Variants in SETBP1 observed in about 807,000 individuals in gnomAD.
SETBP1 encodes the protein SET-binding protein.
In SETBP1, 9 loss-of-function variants were observed where a neutral mutation model predicts 101.0. The observed-to-expected ratio is 0.09, with a 90% CI of 0.05 to 0.16. The LOEUF (loss-of-function observed/expected upper bound fraction) is 0.16, where lower values mean the gene tolerates loss of function less well. Ranked by LOEUF, SETBP1 falls within the 10% of genes least tolerant of loss-of-function variation. The pLI is 1.00. For missense variants in SETBP1, 1,858 were observed against 2,033.8 expected (o/e 0.91, Z 1.66); for synonymous variants, 818 against 788.5 (o/e 1.04, Z -0.63).
intron 2 of SETBP1, among the ~76,000 whole-genome samples, chr18:44,726,321 A>G (rs572675427): frequency 5.9e-5 from 9 of 152,190 alleles, no homozygotes; most frequent in African/African-American, 2.2e-4. Flanking sequence ...AAAGCTGGCA[A>G]TCATTGAAAG....
intron 2 of SETBP1, among the ~76,000 whole-genome samples, chr18:44,713,321 C>T (rs1362336411): frequency 2.0e-5 from 3 of 152,102 alleles, no homozygotes; most frequent in Non-Finnish European, 2.9e-5. Flanking sequence ...TATTTGACTG[C>T]TGCTCAAAGG....
intron 2 of SETBP1, among the ~76,000 whole-genome samples, chr18:44,828,733 CAGAGTGA>C (rs2072291862): frequency 1.3e-5 from 2 of 152,160 alleles, no homozygotes; most frequent in Non-Finnish European, 2.9e-5. Context: ...TGACTGTATT[CAGAGTGA>C]AAAAGTAATT....
intron 3 of SETBP1, among the ~76,000 whole-genome samples, chr18:44,945,106 C>T (rs4890492): frequency 6.6e-6 from 1 of 152,050 alleles, no homozygotes; most frequent in South Asian, 2.1e-4. Flanking sequence ...CCCATTAACT[C>T]GTCATTTACA....
intron 4 of SETBP1, among the ~76,000 whole-genome samples, chr18:44,963,137 A>T (rs2071646892): frequency 6.6e-6 from 1 of 152,166 alleles, no homozygotes; most frequent in Admixed American, 6.5e-5. Flanking sequence ...TTTTCCTAGC[A>T]TCCTCCCAAC....
intron 4 of SETBP1, among the ~76,000 whole-genome samples, chr18:44,970,840 C>T (rs1256898535): frequency 1.3e-5 from 2 of 151,914 alleles, no homozygotes; most frequent in African/African-American, 2.4e-5. Flanking sequence ...CCTGAGCGAC[C>T]GCACCCGGCT....
At chr18:44,939,939 G>C (rs562050538) in intron 3 of SETBP1, among the ~76,000 whole-genome samples, 1 of 152,138 alleles carries the variant, frequency 6.6e-6, no homozygotes. Flanking sequence ...ACCTCTGGTG[G>C]GTTTTTTCTG....
chr18:44,784,731 A>G (rs1385863414), intron 2 of SETBP1, among the ~76,000 whole-genome samples: 1 of 152,244 alleles, frequency 6.6e-6, no homozygotes, highest in East Asian at 1.9e-4. Context: ...AGGTTAGTGC[A>G]TGTTGACCGA....
intron 2 of SETBP1, among the ~76,000 whole-genome samples, chr18:44,752,929 C>A (rs1199803627): frequency 2.6e-5 from 4 of 152,208 alleles, no homozygotes; most frequent in Non-Finnish European, 5.9e-5. Flanking sequence ...TTCAAATTCT[C>A]AAGATGGTCT....
chr18:44,853,388 G>C (rs1211420786), intron 2 of SETBP1, among the ~76,000 whole-genome samples: 3 of 152,102 alleles, frequency 2.0e-5, no homozygotes, highest in Admixed American at 6.6e-5. Flanking sequence ...GTTGAGCCTC[G>C]CCATACCCCT....
chr18:45,023,601 T>C (rs1011810536), intron 4 of SETBP1, among the ~76,000 whole-genome samples: 6 of 152,210 alleles, frequency 3.9e-5, no homozygotes, highest in Non-Finnish European at 8.8e-5. Context: ...ACTTGGCTTA[T>C]TGGGGTTCCA....
At chr18:44,749,198 G>C (rs1281379341) in intron 2 of SETBP1, among the ~76,000 whole-genome samples, 1 of 152,204 alleles carries the variant, frequency 6.6e-6, no homozygotes, top group Admixed American at 6.5e-5. Context: ...GCACTTATAA[G>C]ATATCATCCT....
At chr18:44,978,424 C>T (rs1468241685) in intron 4 of SETBP1, among the ~76,000 whole-genome samples, 1 of 152,096 alleles carries the variant, frequency 6.6e-6, no homozygotes, top group East Asian at 1.9e-4. Context: ...AATCACAAAG[C>T]CCAAATAAAC....
At chr18:44,912,515 A>C (rs2070335030) in intron 3 of SETBP1, among the ~76,000 whole-genome samples, 1 of 151,806 alleles carries the variant, frequency 6.6e-6, no homozygotes, top group Non-Finnish European at 1.5e-5. Flanking sequence ...GTTTTTTTTG[A>C]GACAGAGTCT....
At chr18:44,747,479 A>T (rs1057330148) in intron 2 of SETBP1, among the ~76,000 whole-genome samples, 3 of 152,270 alleles carry the variant, frequency 2.0e-5, no homozygotes, top group Non-Finnish European at 4.4e-5. Flanking sequence ...GGCCCAGGCC[A>T]CACAGCTCGA....
chr18:44,956,065 G>A (rs1486235230), intron 4 of SETBP1, among the ~76,000 whole-genome samples: 1 of 152,006 alleles, frequency 6.6e-6, no homozygotes, highest in Non-Finnish European at 1.5e-5. Flanking sequence ...TCCTCTATGA[G>A]GTTATTTTTT....
chr18:44,911,341 T>G (rs902204091), intron 3 of SETBP1, among the ~76,000 whole-genome samples: 1 of 152,212 alleles, frequency 6.6e-6, no homozygotes, highest in African/African-American at 2.4e-5. Flanking sequence ...TGTCATTACT[T>G]TTCGTTGCAA....
intron 4 of SETBP1, chr18:44,988,989 T>G (rs968975263): frequency 6.6e-6 from 1 of 152,164 alleles, no homozygotes; most frequent in African/African-American, 2.4e-5. Flanking sequence ...ATATTATCTC[T>G]GGAAAAATGC....
At chr18:45,021,971 T>C (rs764073496) in intron 4 of SETBP1, among the ~76,000 whole-genome samples, 1 of 152,182 alleles carries the variant, frequency 6.6e-6, no homozygotes, top group Non-Finnish European at 1.5e-5. Context: ...GTCGGAATTA[T>C]GTACAGTAGG....
intron 2 of SETBP1, among the ~76,000 whole-genome samples, chr18:44,746,036 T>C (rs1430822371): frequency 6.6e-6 from 1 of 151,842 alleles, no homozygotes; most frequent in African/African-American, 2.4e-5. Flanking sequence ...ATATGCAGGG[T>C]AGAGGGGTCA....
Sources: allele counts gnomAD v4.1 joint callset (sites outside exome capture counted in the v4.1 genomes callset), GRCh38; gene constraint gnomAD v4.1.1; transcripts MANE v1.5; gene names NCBI Gene and HGNC (gene_info 2026-07-23, HGNC 2026-07-21).